RNF17: variants seen among roughly 807,000 people sequenced by gnomAD.
RNF17 encodes the protein spermatogenesis associated 23.
Under a neutral mutation model 200.5 loss-of-function variants are expected in RNF17, and 31 were observed. The observed-to-expected ratio is 0.15, with a 90% CI of 0.12 to 0.21. The LOEUF (loss-of-function observed/expected upper bound fraction) is 0.21. Ranked by LOEUF, RNF17 falls within the 10% of genes least tolerant of loss-of-function variation. RNF17 has a pLI of 1.00. For synonymous variants in RNF17, 606 were observed against 637.8 expected (o/e 0.95, Z 0.75); for missense variants, 1,628 against 1,905.1 (o/e 0.85, Z 2.71).
At chr13:24,844,937 G>T in intron 21 of RNF17, 24 bp from the exon 22 acceptor site, 1 of 1,559,878 alleles carries the variant, frequency 6.4e-7, no homozygotes, top group Non-Finnish European at 8.8e-7. Context: ...TTTGTCTGTA[G>T]ACTTAAAGTT....
chr13:24,871,547 A>G (rs368701236), intron 32 of RNF17, among the ~76,000 whole-genome samples: 26 of 151,654 alleles, frequency 1.7e-4, no homozygotes, highest in Non-Finnish European at 3.1e-4. Context: ...CATGTTAGCC[A>G]GGCTGGTGTC....
At chr13:24,855,939 T>C (rs906321356) in intron 25 of RNF17, among the ~76,000 whole-genome samples, 15 of 151,930 alleles carry the variant, frequency 9.9e-5, no homozygotes, top group Non-Finnish European at 2.1e-4. Context: ...CATTAAGTCA[T>C]TGCTTTCTGA....
chr13:24,797,012 A>G (rs1593275126), intron 11 of RNF17, among the ~76,000 whole-genome samples: 2 of 152,202 alleles, frequency 1.3e-5, no homozygotes, highest in African/African-American at 4.8e-5. Context: ...TTTTCAGAAT[A>G]TCAGAAGAGT....
At chr13:24,783,767 A>G (rs1218454776) in intron 6 of RNF17, among the ~76,000 whole-genome samples, 3 of 152,014 alleles carry the variant, frequency 2.0e-5, no homozygotes, top group East Asian at 1.9e-4. Context: ...ATTTTATGGC[A>G]TCTTTAGGGT....
At chr13:24,877,508 T>C (rs1195416317) in intron 34 of RNF17, among the ~76,000 whole-genome samples, 1 of 152,028 alleles carries the variant, frequency 6.6e-6, no homozygotes, top group Non-Finnish European at 1.5e-5. Flanking sequence ...AAGTATGAGG[T>C]TGAATGAAAT....
rs59493601 is a variant in RNF17, at chr13:24,797,705, A to AGTTTGTGTGTGTGTGT, written c.1399+1412_1399+1413insTTGTGTGTGTGTGTGT. 1.6e-3 allele frequency among the ~76,000 whole-genome samples: 190 copies of AGTTTGTGTGTGTGTGT among 119,086 alleles called. 5 individuals are homozygous for AGTTTGTGTGTGTGTGT. Among genetic ancestry groups the AGTTTGTGTGTGTGTGT allele is most frequent in the African/African-American group, 5.8e-3 (181 of 31,270 alleles). 78.1% of individuals were successfully genotyped at this position (119,086 alleles called of 152,430 possible). ...GAGAGAGAGAGAGAGAGAGACAAAG[A>AGTTTGTGTGTGTGTGT]GTGTGTGTGTGTGTGTGTGTGTGTG... On this transcript the variant is annotated intron_variant, in intron 11 of 35. Transcript: ENST00000255324.
At chr13:24,880,251 A>AG (rs1052868461), downstream of RNF17, among the ~76,000 whole-genome samples, 1 of 152,214 alleles carries the variant, frequency 6.6e-6, no homozygotes, top group African/African-American at 2.4e-5. Context: ...AGAAATGCAA[A>AG]GGGGGGAAAC....
At chr13:24,882,517 A>G (rs1413656824), downstream of RNF17, 1 of 152,336 alleles carries the variant, frequency 6.6e-6, no homozygotes, top group African/African-American at 2.4e-5. Flanking sequence ...GCTGTGGTCC[A>G]TGGGTTAACA....
Position 24,796,170 on chromosome 13 carries a change from T to C in RNF17, c.1274T>C (p.Ile425Thr), listed in dbSNP as rs1160109107. 3 of 1,612,412 alleles carry C rather than the reference T, an allele frequency of 1.9e-6. No homozygotes were observed. Among genetic ancestry groups the C allele is most frequent in the Non-Finnish European group, 2.5e-6 (3 of 1,179,000 alleles). The change falls in exon 11 of 36, where the codon ATA (isoleucine) becomes ACA (threonine). Residue 425 changes from isoleucine to threonine, a missense_variant. Coordinates refer to ENST00000255324, the MANE Select transcript of RNF17 (RefSeq NM_031277.3). ...SAELVFVSHV[I>T]DPCHFYIRKY... The stretch of plus-strand genomic sequence containing the variant: ...GAGCTAGTTTTTGTAAGCCATGTAA[T>C]AGATCCTTGCCATTTCTACATTCGG...
chr13:24,824,212 A>G (rs1187775012), intron 15 of RNF17: 1 of 713,914 alleles, frequency 1.4e-6, no homozygotes, highest in East Asian at 2.7e-5. Flanking sequence ...GATCTAATAA[A>G]GTTGGTTGAG....
chr13:24,869,120 G>A (rs1412443270), intron 31 of RNF17, among the ~76,000 whole-genome samples: 1 of 151,406 alleles, frequency 6.6e-6, no homozygotes, highest in African/African-American at 2.4e-5. Context: ...ATAGCTCCAT[G>A]TTGTTCATTG....
chr13:24,837,986 C>T (rs1020133822), intron 18 of RNF17, among the ~76,000 whole-genome samples: 1 of 152,080 alleles, frequency 6.6e-6, no homozygotes, highest in African/African-American at 2.4e-5. Context: ...CAAATAACCT[C>T]GCTAAGAAAT....
chr13:24,801,591 C>T (rs1428138592), intron 13 of RNF17, among the ~76,000 whole-genome samples: 1 of 152,114 alleles, frequency 6.6e-6, no homozygotes, highest in Admixed American at 6.5e-5. Flanking sequence ...CACTGCACAC[C>T]AGTCTGGGTG....
chr13:24,759,470 G>T (rs1462799120), upstream of RNF17, among the ~76,000 whole-genome samples: 1 of 152,164 alleles, frequency 6.6e-6, no homozygotes, highest in Non-Finnish European at 1.5e-5. Context: ...TATGCCTCCA[G>T]CATGCACATT....
intron 15 of RNF17, among the ~76,000 whole-genome samples, chr13:24,807,240 G>A (rs923066335): frequency 5.9e-5 from 9 of 151,862 alleles, no homozygotes; most frequent in Non-Finnish European, 1.2e-4. Flanking sequence ...TTCCATAATG[G>A]TTGAACTAGT....
chr13:24,779,427 ATATCTT>A (rs1882049638), intron 4 of RNF17, among the ~76,000 whole-genome samples: 1 of 152,188 alleles, frequency 6.6e-6, no homozygotes, highest in Non-Finnish European at 1.5e-5. Flanking sequence ...ATTTAAAAAA[ATATCTT>A]TATGAAAAAA....
chr13:24,750,328 A>G, the RNF17 span, among the ~76,000 whole-genome samples: 2 of 152,206 alleles, frequency 1.3e-5, no homozygotes, highest in Non-Finnish European at 2.9e-5. Context: ...TGATTTATAC[A>G]CTATAGAATT....
rs1156396552 is a variant in RNF17, at chr13:24,778,417, T to C, written c.429+11T>C. The stretch of plus-strand genomic sequence containing the variant: ...TCAGCTGTAATGTTGGTATGAAACA[T>C]ATTGGTCATGAAGTACGATGAAGGC... On this transcript the variant is annotated intron_variant, in intron 4 of 35. Transcript: ENST00000255324. The C allele has an allele frequency of 1.3e-6, 2 of 1,561,308 alleles. No homozygotes were observed. The highest frequency in any genetic ancestry group is 1.1e-5 in the South Asian group (1 of 89,830).
chr13:24,875,962 TCAAA>T (rs913608935), intron 33 of RNF17, among the ~76,000 whole-genome samples: 2 of 152,228 alleles, frequency 1.3e-5, no homozygotes, highest in African/African-American at 4.8e-5. Context: ...ATTCCTCTCA[TCAAA>T]CAAGAGCAAT....
Sources: gnomAD v4.1 joint callset for allele counts (sites outside exome capture counted in the v4.1 genomes callset) on GRCh38, gnomAD v4.1.1 for gene constraint, MANE v1.5 for transcripts, NCBI Gene and HGNC (gene_info 2026-07-23, HGNC 2026-07-21) for gene names.